The following EAF2 variants were observed in gnomAD, a reference collection of about 807,000 sequenced individuals.
EAF2 encodes the protein ELL-associated factor 2.
A neutral mutation model predicts 29.4 loss-of-function variants in EAF2; 29 were observed. The observed-to-expected ratio is 0.99, with a 90% CI of 0.73 to 1.35. The LOEUF is 1.35. Among genes scored for constraint, EAF2 ranks in the 40% most tolerant of loss-of-function variants. The pLI is 0.00. For synonymous variants in EAF2, 103 were observed against 102.5 expected (o/e 1.00, Z -0.03); for missense variants, 292 against 312.0 (o/e 0.94, Z 0.48).
chr3:121,881,827 T>TA (rs1218894012), intron 5 of EAF2, among the ~76,000 whole-genome samples: 2 of 152,228 alleles, frequency 1.3e-5, no homozygotes, highest in Non-Finnish European at 2.9e-5. Context: ...ATAATTTTAT[T>TA]AAAAAATTTA....
At chr3:121,885,663 C>T (rs554876891) in intron 5 of EAF2, among the ~76,000 whole-genome samples, 1 of 152,296 alleles carries the variant, frequency 6.6e-6, no homozygotes, top group East Asian at 1.9e-4. Context: ...CTGGTCACTT[C>T]ACCTCCACAT....
chr3:121,883,405 A>G (rs1479021981), intron 5 of EAF2, among the ~76,000 whole-genome samples: 1 of 152,264 alleles, frequency 6.6e-6, no homozygotes, highest in East Asian at 1.9e-4. Context: ...TAAAAAATAC[A>G]AAACAAAATC....
intron 4 of EAF2, 49 bp downstream of exon 4, chr3:121,857,205 A>T: frequency 6.6e-7 from 1 of 1,523,540 alleles, no homozygotes; most frequent in Non-Finnish European, 8.9e-7. Flanking sequence ...TAATTAAGAA[A>T]TGTTAAGGCC....
intron 1 of EAF2, among the ~76,000 whole-genome samples, chr3:121,840,244 G>A (rs1191277818): frequency 6.9e-6 from 1 of 145,422 alleles, no homozygotes; most frequent in Non-Finnish European, 1.5e-5. Flanking sequence ...TGTAATCCCA[G>A]CACTTTCGGA....
intron 2 of EAF2, among the ~76,000 whole-genome samples, chr3:121,849,364 A>C (rs568918406): frequency 5.9e-5 from 9 of 152,328 alleles, no homozygotes; most frequent in African/African-American, 2.2e-4. Context: ...CTGGTTAAAT[A>C]GTGGGCATTT....
At chr3:121,869,643 A>G (rs2107535887) in intron 4 of EAF2, among the ~76,000 whole-genome samples, 1 of 152,234 alleles carries the variant, frequency 6.6e-6, no homozygotes, top group Middle Eastern at 3.4e-3. Flanking sequence ...TTCGGAGGCC[A>G]AGGCAAGAGG....
At chr3:121,841,452 C>T (rs1708422260) in intron 1 of EAF2, among the ~76,000 whole-genome samples, 2 of 135,688 alleles carry the variant, frequency 1.5e-5, no homozygotes, top group Admixed American at 1.6e-4. Flanking sequence ...TTACAGTGAG[C>T]CGAAATCGCG....
chr3:121,845,259 G>C (rs990270901), intron 2 of EAF2, among the ~76,000 whole-genome samples: 1 of 151,898 alleles, frequency 6.6e-6, no homozygotes, highest in Non-Finnish European at 1.5e-5. Context: ...CCAACATGGT[G>C]AAGCCCTGAC....
intron 5 of EAF2, among the ~76,000 whole-genome samples, chr3:121,877,012 T>G (rs868402298): frequency 3.6e-5 from 5 of 139,564 alleles, no homozygotes; most frequent in Non-Finnish European, 5.9e-5. Flanking sequence ...AATAAAGAGA[T>G]AGAAAAAAAG....
chr3:121,863,864 A>G (rs1353603815), intron 4 of EAF2, among the ~76,000 whole-genome samples: 1 of 151,866 alleles, frequency 6.6e-6, no homozygotes, highest in Non-Finnish European at 1.5e-5. Flanking sequence ...TATTCAGGGT[A>G]AAAAAAATGA....
Position 121,872,563 on chromosome 3 carries a change from G to T in EAF2, c.511G>T (p.Asp171Tyr). 6.2e-7 allele frequency: 1 copy of T among 1,609,274 alleles called. No homozygotes were observed. Among genetic ancestry groups the T allele is most frequent in the Non-Finnish European group, 8.5e-7 (1 of 1,177,148 alleles). Residue 171 changes from aspartate to tyrosine, a missense_variant, in exon 5 of 6, where the codon GAC (aspartate) becomes TAC (tyrosine). By Grantham distance (160) the Asp-to-Tyr change is radical. Transcript: ENST00000273668. ...RELKAEASLM[D>Y]QMSSCDSSSD... ...ACTGAAGGCAGAAGCTAGTCTAATGGACCAGATGAGTAGTTGTGATAGTTC... is the reference window on the plus strand; with the variant it reads ...ACTGAAGGCAGAAGCTAGTCTAATGTACCAGATGAGTAGTTGTGATAGTTC...
At position 121,835,289 on chromosome 3, in the gene EAF2, A is replaced by G. The variant is rs762901645; in HGVS notation, c.4A>G (p.Asn2Asp). Residue 2 changes from asparagine (N) to aspartate (D), a missense_variant, in exon 1 of 6, where the codon AAT becomes GAT. Asn to Asp is a conservative substitution (Grantham distance 23). Transcript: ENST00000273668. Reference protein sequence around the residue: MNSAAGFSHLDR... With the variant: MDSAAGFSHLDR... ...AAGTCAAAGCAGGAGAGTAATTATG[A>G]ATAGCGCAGCGGGATTCTCACACCT... 3.7e-6 allele frequency: 6 copies of G among 1,614,156 alleles called. No homozygotes were observed. In the South Asian group the frequency reaches 6.6e-5, roughly 18 times the overall value.
intron 1 of EAF2, chr3:121,836,795 G>A: frequency 5.1e-6 from 5 of 986,200 alleles, no homozygotes; most frequent in Non-Finnish European, 6.0e-6. Flanking sequence ...TCCTTCTCAG[G>A]TATGCAATAG....
intron 2 of EAF2, among the ~76,000 whole-genome samples, chr3:121,848,372 A>G (rs929513090): frequency 6.6e-6 from 1 of 152,150 alleles, no homozygotes; most frequent in Admixed American, 6.5e-5. Context: ...TTCAATGGAA[A>G]TATACTTTGC....
intron 3 of EAF2, among the ~76,000 whole-genome samples, chr3:121,855,524 C>G (rs1302965347): frequency 6.6e-6 from 1 of 152,146 alleles, no homozygotes; most frequent in African/African-American, 2.4e-5. Context: ...AACCTTAAAT[C>G]AGGGAAGGAT....
chr3:121,837,206 A>G (rs1041739823), intron 1 of EAF2, among the ~76,000 whole-genome samples: 1 of 152,186 alleles, frequency 6.6e-6, no homozygotes, highest in Admixed American at 6.5e-5. Context: ...TGGTAATGGC[A>G]CAGAATCATT....
chr3:121,856,886 T>G, intron 3 of EAF2, 125 bp from the exon 4 acceptor site: 1 of 756,788 alleles, frequency 1.3e-6, no homozygotes, highest in South Asian at 2.1e-5. Context: ...AATGTTTTAA[T>G]TATGGAATAT....
chr3:121,856,260 T>C (rs1024542829), intron 3 of EAF2, among the ~76,000 whole-genome samples: 6 of 152,118 alleles, frequency 3.9e-5, no homozygotes, highest in Non-Finnish European at 8.8e-5. Context: ...TATACACTTA[T>C]ATTTTTCCTT....
At chr3:121,858,273 T>C (rs185175267) in intron 4 of EAF2, among the ~76,000 whole-genome samples, 18 of 152,396 alleles carry the variant, frequency 1.2e-4, no homozygotes, top group African/African-American at 4.3e-4. Flanking sequence ...TGAACTAATT[T>C]ACAGTCCCAT....
Sources: gnomAD v4.1 joint callset for allele counts (sites outside exome capture counted in the v4.1 genomes callset) on GRCh38, gnomAD v4.1.1 for gene constraint, MANE v1.5 for transcripts, NCBI Gene and HGNC (gene_info 2026-07-23, HGNC 2026-07-21) for gene names.